Variants in AGAP3 observed in about 807,000 individuals in gnomAD.
AGAP3 encodes arf-GAP with GTPase, ANK repeat and PH domain-containing protein 3.
AGAP3 carries 24 observed loss-of-function variants against 96.9 expected under a neutral mutation model. That is an observed-to-expected ratio of 0.25 (90% CI 0.18 to 0.35). The LOEUF (loss-of-function observed/expected upper bound fraction) is 0.35. Among genes scored for constraint, AGAP3 ranks in the 10% least tolerant of loss-of-function variants. AGAP3 has a pLI of 1.00. For synonymous variants in AGAP3, 563 were observed against 536.1 expected (o/e 1.05, Z -0.69); for missense variants, 876 against 1,254.2 (o/e 0.70, Z 4.55).
chr7:151,138,089 G>A (rs936838779), intron 11 of AGAP3, 54 bp from the exon 12 acceptor site: 1 of 1,337,278 alleles, frequency 7.5e-7, no homozygotes, highest in Non-Finnish European at 1.0e-6. Context: ...TAGTATCTTT[G>A]AGAATCCTCC....
chr7:151,123,673 G>T, intron 8 of AGAP3, 121 bp from the exon 9 acceptor site: 1 of 1,553,412 alleles, frequency 6.4e-7, no homozygotes, highest in Non-Finnish European at 8.7e-7. Flanking sequence ...CGCCGCCCCG[G>T]CCCGACCCAC....
chr7:151,117,880 T>C, intron 5 of AGAP3, 103 bp downstream of exon 5: 1 of 1,436,032 alleles, frequency 7.0e-7, no homozygotes, highest in Non-Finnish European at 9.2e-7. Context: ...AAGCCCCTAC[T>C]CTTTTCCCAG....
At chr7:151,090,478 C>T (rs1213987097) in intron 1 of AGAP3, 1 of 151,066 alleles carries the variant, frequency 6.6e-6, no homozygotes, top group Non-Finnish European at 1.5e-5. Context: ...CCTTACCCCA[C>T]TCACTTTCAT....
intron 9 of AGAP3, 43 bp downstream of exon 9, chr7:151,123,929 G>A (rs767742175): frequency 1.0e-5 from 16 of 1,578,374 alleles, no homozygotes; most frequent in African/African-American, 1.3e-5. Flanking sequence ...TCAGAATGAG[G>A]CCCAGGAATG....
intron 1 of AGAP3, among the ~76,000 whole-genome samples, chr7:151,113,342 C>T (rs1799382667): frequency 6.6e-6 from 1 of 152,170 alleles, no homozygotes; most frequent in South Asian, 2.1e-4. Context: ...TAACTAGTCC[C>T]ACGGAAATAC....
chr7:151,103,313 G>A (rs1315960850), intron 1 of AGAP3, among the ~76,000 whole-genome samples: 2 of 152,202 alleles, frequency 1.3e-5, no homozygotes, highest in Non-Finnish European at 2.9e-5. Flanking sequence ...CCACCTTTAT[G>A]CACAGGGAGA....
chr7:151,088,206 A>G (rs1483981019), intron 1 of AGAP3, among the ~76,000 whole-genome samples: 2 of 152,228 alleles, frequency 1.3e-5, no homozygotes, highest in African/African-American at 4.8e-5. Context: ...TTCTGCTTTC[A>G]GAGGTCCCCA....
At chr7:151,098,820 A>C (rs1585043023) in intron 1 of AGAP3, among the ~76,000 whole-genome samples, 1 of 133,202 alleles carries the variant, frequency 7.5e-6, no homozygotes, top group Admixed American at 8.3e-5. Context: ...AACAACCTCC[A>C]CCTCCTTGGT....
chr7:151,123,961 CTCAGGCCTCTGT>C, intron 9 of AGAP3, 75 bp downstream of exon 9: 1 of 1,439,616 alleles, frequency 6.9e-7, no homozygotes, highest in Non-Finnish European at 9.5e-7. Flanking sequence ...AGGGCCTCTT[CTCAGGCCTCTGT>C]GATGGGGGAG....
rs750348682 is a variant in AGAP3 at position 151,086,913 on chromosome 7, C to A, written c.172C>A (p.Pro58Thr). ...CTCGCAGCAGCTGGCCGGCGGGCCC[C>A]CCCAGCAGTTCGCGCTCTCCAACTC... ...GPSQQLAGGP[P>T]QQFALSNSAA... The change falls in exon 1 of 18, where the codon CCC becomes ACC. Residue 58 changes from proline (P) to threonine (T), a missense_variant. Physicochemically the swap from Pro to Thr is conservative, Grantham distance 38. Transcript: ENST00000397238. 1.3e-6 allele frequency: 2 copies of A among 1,580,464 alleles called. No homozygotes were observed. Among genetic ancestry groups the A allele is most frequent in the African/African-American group, 2.8e-5 (2 of 72,316 alleles).
chr7:151,117,304 G>A (rs778244768), intron 3 of AGAP3, 67 bp from the exon 4 acceptor site: 3 of 1,604,676 alleles, frequency 1.9e-6, no homozygotes, highest in South Asian at 1.1e-5. Flanking sequence ...ATGGGAAGCT[G>A]TAGATTTCTT....
At chr7:151,109,180 A>AC (rs58609214) in intron 1 of AGAP3, among the ~76,000 whole-genome samples, 1 of 148,156 alleles carries the variant, frequency 6.7e-6, no homozygotes, top group Non-Finnish European at 1.5e-5. Flanking sequence ...AAAAAAAAAA[A>AC]CAAAAAACAA....
chr7:151,135,873 G>C (rs1189133900), intron 11 of AGAP3, among the ~76,000 whole-genome samples: 1 of 152,194 alleles, frequency 6.6e-6, no homozygotes, highest in Non-Finnish European at 1.5e-5. Context: ...GGGAGACCTA[G>C]GGTTCAACCT....
chr7:151,095,701 C>CAA (rs35926416), intron 1 of AGAP3, among the ~76,000 whole-genome samples: 9 of 83,016 alleles, frequency 1.1e-4, no homozygotes, highest in South Asian at 1.1e-3. Context: ...CACAGTTGTA[C>CAA]AAAAAAAAAA....
At chr7:151,105,788 G>A (rs993490163) in intron 1 of AGAP3, among the ~76,000 whole-genome samples, 1 of 2,154 alleles carries the variant, frequency 4.6e-4, no homozygotes, top group Non-Finnish European at 6.7e-4. Flanking sequence ...CCCCCCCCCC[G>A]ACACCACACA....
rs1291740950 is a variant in AGAP3, at chr7:151,140,191, A to G, written c.1804+75A>G. 1 of 1,336,370 alleles carries G rather than the reference A, an allele frequency of 7.5e-7. No homozygotes were observed. Among genetic ancestry groups the G allele is most frequent in the Non-Finnish European group, 9.6e-7 (1 of 1,036,686 alleles). 82.8% of individuals were successfully genotyped at this position (1,336,370 alleles called of 1,614,324 possible). Reference sequence around the variant, plus strand: ...TTGGGGATAGTACCCTAAAAGTAACACCTATTTTTTATTTTTTGTATTCAG... The same window carrying G: ...TTGGGGATAGTACCCTAAAAGTAACGCCTATTTTTTATTTTTTGTATTCAG... On this transcript the variant is annotated intron_variant, in intron 13 of 17. Transcript: ENST00000397238. This position sits in a 1 kb window ranked among gnomAD's most constrained non-coding sequence, Gnocchi z 5.4.
intron 8 of AGAP3, chr7:151,123,072 C>G: frequency 8.0e-7 from 1 of 1,243,776 alleles, no homozygotes; most frequent in Non-Finnish European, 1.0e-6. Context: ...GCGACGAGGC[C>G]CAGAGGGGCG....
rs1800822892 is a variant in AGAP3 at position 151,141,807 on chromosome 7, G to C, written c.1805-91G>C. 1.3e-6 allele frequency: 2 copies of C among 1,548,442 alleles called. No homozygotes were observed. The highest frequency in any genetic ancestry group is 1.8e-6 in the Non-Finnish European group (2 of 1,122,918). ...GTCTAGGGGAGGACACTTGCCAGTG[G>C]AGCAGGGTAGTGAGTGGAGTTGTGG... On this transcript the variant is annotated intron_variant, in intron 13 of 17. Coordinates refer to ENST00000397238, the MANE Select transcript of AGAP3 (RefSeq NM_031946.7). The surrounding 1 kb of genome is among the most constrained non-coding windows in gnomAD (Gnocchi z 4.2).
At position 151,086,911 on chromosome 7, in the gene AGAP3, C is replaced by T. The variant is rs773884793; in HGVS notation, c.170C>T (p.Pro57Leu). ...CCCTCGCAGCAGCTGGCCGGCGGGC[C>T]CCCCCAGCAGTTCGCGCTCTCCAAC... ...GGPSQQLAGGPPQQFALSNSA... is the reference protein window; with the variant it reads ...GGPSQQLAGGLPQQFALSNSA... The change falls in exon 1 of 18, where the codon CCC (proline) becomes CTC (leucine). Residue 57 changes from proline (P) to leucine (L), a missense_variant. Physicochemically the swap from Pro to Leu is moderately conservative, Grantham distance 98. Coordinates refer to ENST00000397238, the MANE Select transcript of AGAP3 (RefSeq NM_031946.7). 1.8e-5 allele frequency: 28 copies of T among 1,524,718 alleles called. No individual in the cohort carries two copies. Among genetic ancestry groups the T allele is most frequent in the Non-Finnish European group, 2.1e-5 (24 of 1,135,090 alleles). 94.4% of individuals were successfully genotyped at this position (1,524,718 alleles called of 1,614,324 possible).
Sources: gnomAD v4.1 joint callset for allele counts (sites outside exome capture counted in the v4.1 genomes callset) on GRCh38, gnomAD v4.1.1 for gene constraint, Gnocchi (gnomAD v3.1) non-coding constraint, MANE v1.5 for transcripts, NCBI Gene and HGNC (gene_info 2026-07-23, HGNC 2026-07-21) for gene names.